ITPR2: variants seen among roughly 807,000 people sequenced by gnomAD.
ITPR2 encodes the protein inositol 1,4,5-trisphosphate receptor type 2, also known as inositol 1,4,5-trisphosphate-gated calcium channel ITPR2.
Under a neutral mutation model 317.1 loss-of-function variants are expected in ITPR2, and 207 were observed. The observed-to-expected ratio is 0.65, with a 90% CI of 0.58 to 0.73. The LOEUF (loss-of-function observed/expected upper bound fraction) is 0.73. Among genes scored for constraint, ITPR2 ranks in the 30% least tolerant of loss-of-function variants. The pLI, the probability that ITPR2 is intolerant of heterozygous loss-of-function variation, is 0.00. For synonymous variants in ITPR2, 1,156 were observed against 1,149.1 expected, an observed-to-expected ratio of 1.01 and a Z score of -0.12; for missense variants, 2,613 against 3,284.0, an observed-to-expected ratio of 0.80 and a Z score of 4.99.
At chr12:26,448,047 A>G (rs945338859) in intron 45 of ITPR2, among the ~76,000 whole-genome samples, 2 of 151,114 alleles carry the variant, frequency 1.3e-5, no homozygotes, top group African/African-American at 4.8e-5. Flanking sequence ...CACACCATTT[A>G]GTATTATGTG....
chr12:26,646,673 A>C (rs1450537320), intron 21 of ITPR2, among the ~76,000 whole-genome samples: 2 of 152,178 alleles, frequency 1.3e-5, no homozygotes, highest in East Asian at 1.9e-4. Flanking sequence ...TTAGGAAAGG[A>C]GGATAATTCC....
In ITPR2 at chr12:26,703,085, TTAAAA is replaced by T. The variant is rs1234213977; in HGVS notation, c.952-7440_952-7436del. 2.0e-5 allele frequency among the ~76,000 whole-genome samples: 3 copies of T among 152,296 alleles called. No homozygotes were observed. The East Asian group carries it at 5.8e-4, about 29-fold the overall frequency. ...CCTAAACAATCCAGTTAAGTGCTGGTTAAAATAGAGTATCATACTTGGGCACTGTA... is the reference window on the plus strand; with the variant it reads ...CCTAAACAATCCAGTTAAGTGCTGGTTAGAGTATCATACTTGGGCACTGTA... On this transcript the variant is annotated intron_variant, in intron 9 of 56. Transcript: ENST00000381340.
chr12:26,741,458 CACATGTTTTATAA>C (rs1345998855), intron 2 of ITPR2, among the ~76,000 whole-genome samples: 1 of 152,158 alleles, frequency 6.6e-6, no homozygotes, highest in Non-Finnish European at 1.5e-5. Flanking sequence ...CAGTTTTATA[CACATGTTTTATAA>C]ACATGTTTTA....
intron 45 of ITPR2, among the ~76,000 whole-genome samples, chr12:26,446,040 G>T (rs539502824): frequency 6.6e-6 from 1 of 152,258 alleles, no homozygotes; most frequent in Admixed American, 6.6e-5. Context: ...GATTCAGGAG[G>T]TTGGGTGGTT....
intron 55 of ITPR2, among the ~76,000 whole-genome samples, chr12:26,385,823 C>G (rs1392098618): frequency 6.6e-6 from 1 of 151,982 alleles, no homozygotes; most frequent in African/African-American, 2.4e-5. Flanking sequence ...ATTCCTTTCA[C>G]CTGCTCTCAT....
chr12:26,569,772 C>T (rs73087281), intron 34 of ITPR2, among the ~76,000 whole-genome samples: 35,403 of 151,918 alleles, frequency 0.23, 4,355 homozygotes, highest in Middle Eastern at 0.27. Context: ...ATTAAAACTA[C>T]AAAAATATTT....
At chr12:26,416,451 T>C (rs1014406833) in intron 50 of ITPR2, among the ~76,000 whole-genome samples, 1 of 152,164 alleles carries the variant, frequency 6.6e-6, no homozygotes, top group Non-Finnish European at 1.5e-5. Context: ...CTTCTATCTG[T>C]GGGCAGTAAT....
intron 9 of ITPR2, among the ~76,000 whole-genome samples, chr12:26,699,678 AG>A (rs1948410626): frequency 1.3e-5 from 2 of 152,192 alleles, no homozygotes; most frequent in African/African-American, 4.8e-5. Flanking sequence ...GAGAAGGGAA[AG>A]AAGGACAAAA....
intron 46 of ITPR2, among the ~76,000 whole-genome samples, chr12:26,443,305 T>C (rs1266584236): frequency 6.6e-6 from 1 of 151,800 alleles, no homozygotes. Flanking sequence ...TTAAAAAACA[T>C]CTATTAATTA....
intron 26 of ITPR2, among the ~76,000 whole-genome samples, chr12:26,607,223 T>C (rs1052381531): frequency 2.0e-5 from 3 of 152,148 alleles, no homozygotes; most frequent in African/African-American, 7.2e-5. Context: ...TTTAAACCAG[T>C]CAGTGACACC....
chr12:26,516,616 A>G (rs1943526823), intron 37 of ITPR2, among the ~76,000 whole-genome samples: 5 of 152,198 alleles, frequency 3.3e-5, no homozygotes, highest in Admixed American at 3.3e-4. Flanking sequence ...TAAAATCATT[A>G]TAAAAAAATT....
intron 13 of ITPR2, among the ~76,000 whole-genome samples, chr12:26,677,022 G>T (rs1947922637): frequency 6.6e-6 from 1 of 151,800 alleles, no homozygotes; most frequent in Non-Finnish European, 1.5e-5. Context: ...CATGGGAGGG[G>T]GAAAATAATA....
intron 39 of ITPR2, among the ~76,000 whole-genome samples, chr12:26,488,007 A>G (rs1260235433): frequency 6.6e-6 from 1 of 152,164 alleles, no homozygotes; most frequent in Non-Finnish European, 1.5e-5. Context: ...AGATGTGGAA[A>G]TATTCAACCT....
intron 34 of ITPR2, among the ~76,000 whole-genome samples, chr12:26,563,250 G>C (rs2137032743): frequency 6.6e-6 from 1 of 152,320 alleles, no homozygotes; most frequent in African/African-American, 2.4e-5. Flanking sequence ...AATGGAGCTT[G>C]AAGTAATGGC....
intron 52 of ITPR2, among the ~76,000 whole-genome samples, chr12:26,403,897 C>T (rs528660451): frequency 2.6e-5 from 4 of 152,078 alleles, no homozygotes; most frequent in South Asian, 2.1e-4. Flanking sequence ...GAGTGGAAGA[C>T]GAAGCTGGAG....
intron 2 of ITPR2, among the ~76,000 whole-genome samples, chr12:26,771,707 G>C (rs960251429): frequency 6.6e-6 from 1 of 151,942 alleles, no homozygotes; most frequent in African/African-American, 2.4e-5. Context: ...GTAGAGACAG[G>C]GTTTCACTGT....
intron 23 of ITPR2, among the ~76,000 whole-genome samples, chr12:26,624,663 C>T (rs1946579838): frequency 1.3e-5 from 2 of 151,382 alleles, no homozygotes; most frequent in Non-Finnish European, 2.9e-5. Context: ...TTTTATCCAA[C>T]AAACAGGCAA....
At chr12:26,748,408 G>T (rs926006477) in intron 2 of ITPR2, among the ~76,000 whole-genome samples, 1 of 152,136 alleles carries the variant, frequency 6.6e-6, no homozygotes, top group East Asian at 1.9e-4. Context: ...CTATTACCAA[G>T]AAATCATTCT....
chr12:26,487,247 GA>G lies in ITPR2; in HGVS notation c.5374del (p.Ser1792LeufsTer23). On this transcript the variant is annotated frameshift_variant, in exon 40 of 57. Coordinates refer to ENST00000381340, the MANE Select transcript of ITPR2 (RefSeq NM_002223.4). LOFTEE classifies it high-confidence loss of function. Reference protein sequence around the residue: ...LEGGNTQTQYSFYQQLHEQKK... With the variant: ...LEGGNTQTQYXFYQQLHEQKK... The stretch of plus-strand genomic sequence containing the variant: ...TTGTTCATGCAACTGCTGGTAGAAA[GA>G]ATACTGCAAGAAAACATATTTTAAG... 3 of 1,591,354 alleles carry G rather than the reference GA, an allele frequency of 1.9e-6. No homozygotes were observed. The highest frequency in any genetic ancestry group is 2.6e-6 in the Non-Finnish European group (3 of 1,172,148).
Sources: allele counts gnomAD v4.1 joint callset (sites outside exome capture counted in the v4.1 genomes callset), GRCh38; gene constraint gnomAD v4.1.1; transcripts MANE v1.5; gene names NCBI Gene and HGNC (gene_info 2026-07-23, HGNC 2026-07-21).